PLPPR5: variants seen among roughly 807,000 people sequenced by gnomAD.
The protein encoded by PLPPR5 is phospholipid phosphatase-related protein type 5.
PLPPR5 carries 16 observed loss-of-function variants against 33.9 expected under a neutral mutation model. That is an observed-to-expected ratio of 0.47 (90% CI 0.32 to 0.72). PLPPR5 has a LOEUF of 0.72. PLPPR5 is among the 30% of genes least tolerant of loss of function. The probability of loss-of-function intolerance (pLI) is 0.03; values close to 1 mark genes in which losing one functional copy is unlikely to be tolerated. For synonymous variants in PLPPR5, 163 were observed against 150.3 expected (o/e 1.08, Z -0.62); for missense variants, 301 against 406.7 (o/e 0.74, Z 2.23).
At chr1:98,976,910 C>T (rs116295360) in intron 1 of PLPPR5, among the ~76,000 whole-genome samples, 3,201 of 152,020 alleles carry the variant, frequency 0.021, 45 homozygotes, top group African/African-American at 0.035. Context: ...CTCATGTCCC[C>T]TGGCCCATCA....
At chr1:98,983,357 GAT>G (rs1263567953) in intron 1 of PLPPR5, among the ~76,000 whole-genome samples, 4 of 127,726 alleles carry the variant, frequency 3.1e-5, no homozygotes, top group Non-Finnish European at 6.6e-5. Flanking sequence ...TTGTTCTTGC[GAT>G]AGTTTACTGA....
intron 5 of PLPPR5, among the ~76,000 whole-genome samples, chr1:98,911,587 C>T (rs189589055): frequency 1.3e-5 from 2 of 152,146 alleles, no homozygotes; most frequent in Admixed American, 1.3e-4. Flanking sequence ...TTTGGCAATA[C>T]TAGAAAGCTA....
At chr1:98,975,408 T>C (rs1232063568) in intron 1 of PLPPR5, among the ~76,000 whole-genome samples, 2 of 152,118 alleles carry the variant, frequency 1.3e-5, no homozygotes, top group African/African-American at 4.8e-5. Flanking sequence ...ATGTGATTCA[T>C]GTCCTTGGAG....
At chr1:98,938,534 T>G (rs1404401627) in intron 3 of PLPPR5, among the ~76,000 whole-genome samples, 1 of 148,244 alleles carries the variant, frequency 6.7e-6, no homozygotes, top group Non-Finnish European at 1.5e-5. Context: ...ATTTATATAT[T>G]TATATAAATA....
intron 5 of PLPPR5, among the ~76,000 whole-genome samples, chr1:98,903,418 G>T (rs568511713): frequency 2.0e-5 from 3 of 152,086 alleles, no homozygotes; most frequent in Non-Finnish European, 4.4e-5. Flanking sequence ...ACAGCATTCT[G>T]AAACCTCAAA....
At chr1:98,907,730 G>C (rs1306332798) in intron 5 of PLPPR5, among the ~76,000 whole-genome samples, 1 of 152,160 alleles carries the variant, frequency 6.6e-6, no homozygotes, top group Non-Finnish European at 1.5e-5. Context: ...AGAAGAGCTG[G>C]AGGATGTAGT....
rs368918582 is a variant in PLPPR5 at position 98,903,122 on chromosome 1, C to CT, written c.934-10019dup. Among the ~76,000 whole-genome samples, 589 of 151,976 alleles carry CT rather than the reference C, an allele frequency of 3.9e-3. 2 individuals are homozygous for CT. Among genetic ancestry groups the CT allele is most frequent in the Non-Finnish European group, 5.7e-3 (389 of 67,934 alleles). On this transcript the variant is annotated intron_variant, in intron 5 of 5. Coordinates refer to ENST00000263177, the MANE Select transcript of PLPPR5 (RefSeq NM_001037317.2). ...TTTTTAAGCTTCCACTTTCAATTTC[C>CT]TTTTTTTAAACAAAATTAAATTTTA...
chr1:98,969,541 TG>T (rs1651578303), intron 1 of PLPPR5, among the ~76,000 whole-genome samples: 1 of 152,062 alleles, frequency 6.6e-6, no homozygotes, highest in African/African-American at 2.4e-5. Flanking sequence ...CCTGACCTTT[TG>T]GATCTATGGC....
chr1:98,993,723 GA>G (rs1652536677), intron 1 of PLPPR5, among the ~76,000 whole-genome samples: 3 of 152,044 alleles, frequency 2.0e-5, no homozygotes, highest in African/African-American at 7.2e-5. Flanking sequence ...GCTTTGATGA[GA>G]TATCTGGAAA....
intron 3 of PLPPR5, among the ~76,000 whole-genome samples, chr1:98,940,016 G>T (rs767217123): frequency 6.6e-5 from 10 of 151,864 alleles, no homozygotes; most frequent in Admixed American, 2.6e-4. Context: ...AGCAGAAATA[G>T]TCTAGTGTAA....
intron 3 of PLPPR5, among the ~76,000 whole-genome samples, chr1:98,940,089 G>A (rs1650318486): frequency 6.6e-6 from 1 of 151,754 alleles, no homozygotes; most frequent in Non-Finnish European, 1.5e-5. Context: ...AAGTGAGAGA[G>A]GGCATTATGC....
Position 98,930,370 on chromosome 1 carries a change from TTAATGA to T in PLPPR5, c.622-8318_622-8313del, listed in dbSNP as rs1570707246. Among the ~76,000 whole-genome samples, 4 of 152,288 alleles carry T rather than the reference TTAATGA, an allele frequency of 2.6e-5. No homozygotes were observed. In the East Asian group the frequency reaches 7.7e-4, roughly 29 times the overall value. On this transcript the variant is annotated intron_variant, in intron 3 of 5. Transcript: ENST00000263177. The stretch of plus-strand genomic sequence containing the variant: ...CTTCAGATAAGGAGAGAAACTATAA[TTAATGA>T]TAATGTGATAATCTATATGTCTGAT...
At chr1:98,966,253 T>A (rs182823773) in intron 1 of PLPPR5, among the ~76,000 whole-genome samples, 1 of 152,300 alleles carries the variant, frequency 6.6e-6, no homozygotes, top group African/African-American at 2.4e-5. Context: ...AATAATTTGT[T>A]AGTAAAGTGA....
At chr1:98,928,111 A>G (rs1649831171) in intron 3 of PLPPR5, among the ~76,000 whole-genome samples, 1 of 152,114 alleles carries the variant, frequency 6.6e-6, no homozygotes, top group Non-Finnish European at 1.5e-5. Flanking sequence ...CACTGAACCA[A>G]TGTGGTAGCC....
At chr1:98,920,322 A>G (rs2101159249) in intron 4 of PLPPR5, among the ~76,000 whole-genome samples, 1 of 152,220 alleles carries the variant, frequency 6.6e-6, no homozygotes, top group Non-Finnish European at 1.5e-5. Context: ...GTTGCATCTG[A>G]CACCAGTGCT....
intron 1 of PLPPR5, among the ~76,000 whole-genome samples, chr1:98,994,158 A>C (rs1316581165): frequency 6.6e-6 from 1 of 151,884 alleles, no homozygotes; most frequent in Non-Finnish European, 1.5e-5. Context: ...GTGCTCACCA[A>C]ATATTTGTCT....
chr1:98,967,045 T>C (rs1168546411), intron 1 of PLPPR5, among the ~76,000 whole-genome samples: 2 of 152,168 alleles, frequency 1.3e-5, no homozygotes, highest in Non-Finnish European at 2.9e-5. Context: ...AACTCCTTTT[T>C]ATTACATTGT....
chr1:98,906,172 ATAGT>A (rs950376579), intron 5 of PLPPR5, among the ~76,000 whole-genome samples: 5 of 151,004 alleles, frequency 3.3e-5, no homozygotes, highest in African/African-American at 7.4e-5. Flanking sequence ...GTATATATAT[ATAGT>A]GTGTGTGTAT....
intron 5 of PLPPR5, among the ~76,000 whole-genome samples, chr1:98,901,419 C>A (rs1176203702): frequency 6.6e-6 from 1 of 151,678 alleles, no homozygotes; most frequent in African/African-American, 2.4e-5. Flanking sequence ...AAGCTATACG[C>A]CAAGGAAGGA....
Sources: gnomAD v4.1 joint callset for allele counts (sites outside exome capture counted in the v4.1 genomes callset) on GRCh38, gnomAD v4.1.1 for gene constraint, MANE v1.5 for transcripts, NCBI Gene and HGNC (gene_info 2026-07-23, HGNC 2026-07-21) for gene names.